Variants in DCDC1 observed in about 807,000 individuals in gnomAD.
DCDC1 encodes doublecortin domain-containing protein 1.
A neutral mutation model predicts 178.3 loss-of-function variants in DCDC1; 200 were observed. The observed-to-expected ratio is 1.12, with a 90% CI of 1.00 to 1.26. The LOEUF is 1.26. DCDC1 is among the 50% of genes most tolerant of loss of function. DCDC1 has a pLI of 0.00. For synonymous variants in DCDC1, 690 were observed against 604.8 expected (o/e 1.14, Z -2.07); for missense variants, 1,983 against 1,749.2 (o/e 1.13, Z -2.38).
Position 30,888,065 on chromosome 11 carries a change from AG to A in DCDC1, c.5082+4752del, listed in dbSNP as rs1565029161. ...AAGAAAGAAAGAAAGAAAGAAAGAG[AG>A]AGAGAGAGAGAGAGAGAGAAAGAAA... is the stretch of plus-strand genomic sequence containing the variant. On this transcript the variant is annotated intron_variant, in intron 36 of 38. Transcript: ENST00000684477. Among the ~76,000 whole-genome samples, 71 of 91,980 alleles carry A rather than the reference AG, an allele frequency of 7.7e-4. 1 individual carries two copies. Among genetic ancestry groups the A allele is most frequent in the African/African-American group, 1.8e-3 (41 of 22,258 alleles). 60.3% of individuals were successfully genotyped at this position (91,980 alleles called of 152,430 possible).
At position 31,290,815 on chromosome 11, in the gene DCDC1, C is replaced by T; in HGVS notation, c.792G>A (p.Met264Ile). 6.2e-7 allele frequency: 1 copy of T among 1,613,138 alleles called. No individual in the cohort carries two copies. Residue 264 changes from methionine to isoleucine, a missense_variant, in exon 7 of 39, where the codon ATG becomes ATA. Transcript: ENST00000684477. ...TATCAGTAGGAAGCATCAACCCATT[C>T]ATTGTCCAAGTTACTTTCTTAATTA... is the stretch of plus-strand genomic sequence containing the variant. ...LLLIKKVTWTMNGLMLPTDIK... is the reference protein window; with the variant it reads ...LLLIKKVTWTINGLMLPTDIK...
chr11:30,982,077 T>G (rs1950416697), intron 20 of DCDC1, among the ~76,000 whole-genome samples: 1 of 152,206 alleles, frequency 6.6e-6, no homozygotes, highest in African/African-American at 2.4e-5. Context: ...TGGACATAAA[T>G]TACATGTCTA....
At chr11:31,360,345 CA>C (rs1286947842) in intron 1 of DCDC1, among the ~76,000 whole-genome samples, 1 of 152,034 alleles carries the variant, frequency 6.6e-6, no homozygotes, top group East Asian at 1.9e-4. Flanking sequence ...AGACTTTGGC[CA>C]AAAGTCAAGT....
intron 9 of DCDC1, among the ~76,000 whole-genome samples, chr11:31,157,831 G>A (rs1452630189): frequency 6.6e-6 from 1 of 151,912 alleles, no homozygotes; most frequent in Non-Finnish European, 1.5e-5. Flanking sequence ...GATTTAAAAT[G>A]GTAAAGTTTA....
At chr11:31,266,029 T>C (rs991251043) in intron 7 of DCDC1, among the ~76,000 whole-genome samples, 1 of 151,724 alleles carries the variant, frequency 6.6e-6, no homozygotes, top group Non-Finnish European at 1.5e-5. Context: ...TATTTCACAA[T>C]GAGAGGATAT....
intron 9 of DCDC1, among the ~76,000 whole-genome samples, chr11:31,138,337 G>T (rs983754085): frequency 1.3e-5 from 2 of 152,108 alleles, no homozygotes; most frequent in Non-Finnish European, 2.9e-5. Context: ...TTCTACTACT[G>T]CTGCCAACCC....
intron 20 of DCDC1, among the ~76,000 whole-genome samples, chr11:31,006,144 T>G (rs991635149): frequency 6.6e-6 from 1 of 152,116 alleles, no homozygotes; most frequent in African/African-American, 2.4e-5. Flanking sequence ...TGTCCTCTTC[T>G]TCTTCTCCTT....
rs564544910 is a variant in DCDC1 at position 31,177,227 on chromosome 11, T to C, written c.1222-39443A>G. ...GCGATTTGCTTTCAGGTTTAAACAA[T>C]CCGTTATTAACTATAAAACTCTTTA... On this transcript the variant is annotated intron_variant, in intron 9 of 38. Coordinates refer to ENST00000684477, the MANE Select transcript of DCDC1 (RefSeq NM_001387274.1). Among the ~76,000 whole-genome samples, 408 of 152,038 alleles carry C rather than the reference T, an allele frequency of 2.7e-3. 2 individuals are homozygous for C. The highest frequency in any genetic ancestry group is 0.02 in the Middle Eastern group (6 of 294).
chr11:31,002,058 T>C (rs1200788777), intron 20 of DCDC1, among the ~76,000 whole-genome samples: 2 of 152,218 alleles, frequency 1.3e-5, no homozygotes, highest in Non-Finnish European at 2.9e-5. Flanking sequence ...TTTCCCAAAA[T>C]TTACTAAACA....
At chr11:31,330,596 A>T (rs1027757113) in intron 2 of DCDC1, among the ~76,000 whole-genome samples, 4 of 152,222 alleles carry the variant, frequency 2.6e-5, no homozygotes, top group African/African-American at 4.8e-5. Context: ...GAAGGGATCC[A>T]GTTTCAGCTT....
intron 20 of DCDC1, among the ~76,000 whole-genome samples, chr11:31,013,353 A>G (rs1952285584): frequency 6.6e-6 from 1 of 152,204 alleles, no homozygotes; most frequent in Non-Finnish European, 1.5e-5. Context: ...TTATCAAATG[A>G]CAAATTCCAT....
At chr11:31,150,964 C>A (rs1965113194) in intron 9 of DCDC1, among the ~76,000 whole-genome samples, 2 of 152,150 alleles carry the variant, frequency 1.3e-5, no homozygotes. Flanking sequence ...TTGCATTAAA[C>A]TATATTTCCT....
rs181936638 is a variant in DCDC1 at position 31,258,361 on chromosome 11, C to G, written c.1054+7146G>C. Among the ~76,000 whole-genome samples the G allele has an allele frequency of 8.7e-3, 1,317 of 152,220 alleles. 6 individuals are homozygous for G. The highest frequency in any genetic ancestry group is 0.012 in the Non-Finnish European group (834 of 68,022). On this transcript the variant is annotated intron_variant, in intron 8 of 38. Coordinates refer to ENST00000684477, the MANE Select transcript of DCDC1 (RefSeq NM_001387274.1). ...ACTTCATCTCTCTCACTATGAGAGA[C>G]TCTGCAAGAAAAATATCTAGAGGCA... is the stretch of plus-strand genomic sequence containing the variant.
At chr11:31,036,919 A>G (rs1954078057) in intron 20 of DCDC1, among the ~76,000 whole-genome samples, 1 of 152,230 alleles carries the variant, frequency 6.6e-6, no homozygotes, top group South Asian at 2.1e-4. Context: ...CTATCATAAG[A>G]GTTAGGTATT....
At chr11:31,102,849 G>C (rs541437503) in intron 14 of DCDC1, among the ~76,000 whole-genome samples, 1 of 152,166 alleles carries the variant, frequency 6.6e-6, no homozygotes, top group East Asian at 1.9e-4. Context: ...AAGTTTTATT[G>C]GACGGCACTA....
At chr11:31,202,802 G>A (rs1971449471) in intron 9 of DCDC1, among the ~76,000 whole-genome samples, 1 of 152,118 alleles carries the variant, frequency 6.6e-6, no homozygotes, top group Non-Finnish European at 1.5e-5. Flanking sequence ...TCCATATACG[G>A]AGAGGTTCAG....
chr11:31,276,413 C>T (rs1945988340), intron 7 of DCDC1, among the ~76,000 whole-genome samples: 1 of 151,858 alleles, frequency 6.6e-6, no homozygotes, highest in South Asian at 2.1e-4. Context: ...TGTACTTGCT[C>T]AGTAGAAGAG....
intron 7 of DCDC1, chr11:31,280,841 T>C: frequency 1.6e-6 from 1 of 624,630 alleles, no homozygotes; most frequent in East Asian, 3.8e-5. Flanking sequence ...GGCATCTGTG[T>C]AAGTGAATAC....
intron 9 of DCDC1, among the ~76,000 whole-genome samples, chr11:31,182,712 C>T (rs1426976333): frequency 6.6e-6 from 1 of 152,142 alleles, no homozygotes; most frequent in Non-Finnish European, 1.5e-5. Flanking sequence ...AAATAAGCAG[C>T]TAGCATCATA....
Sources: gnomAD v4.1 joint callset for allele counts (sites outside exome capture counted in the v4.1 genomes callset) on GRCh38, gnomAD v4.1.1 for gene constraint, MANE v1.5 for transcripts, NCBI Gene and HGNC (gene_info 2026-07-23, HGNC 2026-07-21) for gene names.